ZNF385B: variants seen among roughly 807,000 people sequenced by gnomAD.
The protein encoded by ZNF385B is zinc finger protein 533.
In ZNF385B, 23 loss-of-function variants were observed where a neutral mutation model predicts 39.2. The ratio of observed to expected loss-of-function variants is 0.59; its 90% confidence interval spans 0.42 to 0.83. The LOEUF is 0.83. ZNF385B is among the 40% of genes least tolerant of loss of function. The pLI, the probability that ZNF385B is intolerant of heterozygous loss-of-function variation, is 0.00. For synonymous variants in ZNF385B, 205 were observed against 222.6 expected (o/e 0.92, Z 0.70); for missense variants, 552 against 598.9 (o/e 0.92, Z 0.82).
At chr2:179,593,103 A>G (rs949914465) in intron 3 of ZNF385B, among the ~76,000 whole-genome samples, 97 of 152,316 alleles carry the variant, frequency 6.4e-4, no homozygotes, top group African/African-American at 2.2e-3. Flanking sequence ...CAATTATGAT[A>G]AAAATGGATT....
intron 3 of ZNF385B, among the ~76,000 whole-genome samples, chr2:179,584,658 G>A (rs1045766289): frequency 1.6e-4 from 25 of 152,176 alleles, no homozygotes; most frequent in African/African-American, 6.0e-4. Context: ...ACCTACATAT[G>A]CCTACCGAGG....
At chr2:179,528,667 T>G (rs375206969) in intron 4 of ZNF385B, among the ~76,000 whole-genome samples, 13 of 152,302 alleles carry the variant, frequency 8.5e-5, no homozygotes, top group African/African-American at 2.9e-4. Flanking sequence ...ACTTTTAAAC[T>G]GTTCTGAGTA....
intron 3 of ZNF385B, among the ~76,000 whole-genome samples, chr2:179,573,107 T>C (rs1685417506): frequency 6.6e-6 from 1 of 152,234 alleles, no homozygotes; most frequent in Non-Finnish European, 1.5e-5. Context: ...AAGTATTTAA[T>C]GTTAACCTAA....
intron 3 of ZNF385B, among the ~76,000 whole-genome samples, chr2:179,760,228 G>A (rs1031562603): frequency 4.7e-5 from 7 of 150,028 alleles, no homozygotes; most frequent in South Asian, 2.1e-4. Context: ...GTGTGCGTGT[G>A]TGTGTGTGTG....
chr2:179,745,560 T>C (rs955498207), intron 3 of ZNF385B, among the ~76,000 whole-genome samples: 12 of 152,178 alleles, frequency 7.9e-5, no homozygotes, highest in African/African-American at 2.9e-4. Flanking sequence ...TAAAGAATCA[T>C]ATATTTTGCT....
chr2:179,510,690 T>C (rs930567794), intron 5 of ZNF385B, among the ~76,000 whole-genome samples: 1 of 151,960 alleles, frequency 6.6e-6, no homozygotes, highest in Non-Finnish European at 1.5e-5. Flanking sequence ...CATAAATAAA[T>C]TACAAATGTC....
At chr2:179,658,749 A>G (rs1435984987) in intron 3 of ZNF385B, among the ~76,000 whole-genome samples, 1 of 152,134 alleles carries the variant, frequency 6.6e-6, no homozygotes, top group East Asian at 1.9e-4. Flanking sequence ...TATATCCCCA[A>G]TAGGTTATCA....
intron 3 of ZNF385B, among the ~76,000 whole-genome samples, chr2:179,649,411 T>C (rs931249604): frequency 1.3e-5 from 2 of 152,188 alleles, no homozygotes; most frequent in African/African-American, 2.4e-5. Flanking sequence ...GTATAGGAGA[T>C]TGTCTTGCTT....
intron 6 of ZNF385B, among the ~76,000 whole-genome samples, chr2:179,447,354 T>C (rs1418412989): frequency 6.6e-6 from 1 of 152,204 alleles, no homozygotes. Context: ...CTTCCATTCA[T>C]TATCTTTATT....
intron 3 of ZNF385B, among the ~76,000 whole-genome samples, chr2:179,694,075 A>G (rs1037885045): frequency 6.6e-6 from 1 of 152,220 alleles, no homozygotes; most frequent in Non-Finnish European, 1.5e-5. Flanking sequence ...GTTTTAAACT[A>G]TATGTTAGAA....
At chr2:179,609,871 T>C (rs1689144941) in intron 3 of ZNF385B, among the ~76,000 whole-genome samples, 1 of 152,264 alleles carries the variant, frequency 6.6e-6, no homozygotes, top group African/African-American at 2.4e-5. Flanking sequence ...TATGTCTTCC[T>C]TTGAGAAATG....
chr2:179,757,379 G>C (rs927393067), intron 3 of ZNF385B, among the ~76,000 whole-genome samples: 60 of 147,122 alleles, frequency 4.1e-4, no homozygotes, highest in African/African-American at 1.5e-3. Flanking sequence ...CCCTACTGGG[G>C]GGTGCCTCCC....
rs187177745 is a variant in ZNF385B, at chr2:179,626,646, T to C, written c.299-81677A>G. 6.6e-5 allele frequency among the ~76,000 whole-genome samples: 10 copies of C among 152,308 alleles called. No homozygotes were observed. The East Asian group carries it at 1.9e-3, about 29-fold the overall frequency. ...TAATAAACTGAAAAACATTTGTATA[T>C]GCATATAATTCAGTAATCTTGAAAA... On this transcript the variant is annotated intron_variant, in intron 3 of 9. Coordinates refer to ENST00000410066, the MANE Select transcript of ZNF385B (RefSeq NM_152520.6).
At chr2:179,474,226 A>T (rs2053165126) in intron 6 of ZNF385B, among the ~76,000 whole-genome samples, 1 of 152,202 alleles carries the variant, frequency 6.6e-6, no homozygotes, top group African/African-American at 2.4e-5. Flanking sequence ...AAGCATAAGC[A>T]GTAAGTGTAA....
intron 1 of ZNF385B, among the ~76,000 whole-genome samples, chr2:179,854,921 T>C (rs1405637010): frequency 6.6e-6 from 1 of 152,156 alleles, no homozygotes; most frequent in Non-Finnish European, 1.5e-5. Flanking sequence ...CTAAAGTAAA[T>C]ACAGAAATGA....
At chr2:179,683,949 A>G (rs561831244) in intron 3 of ZNF385B, among the ~76,000 whole-genome samples, 1 of 152,048 alleles carries the variant, frequency 6.6e-6, no homozygotes, top group Non-Finnish European at 1.5e-5. Flanking sequence ...TGATTCCCCA[A>G]TTTCATCACA....
At chr2:179,766,989 T>A (rs1703737190) in intron 3 of ZNF385B, among the ~76,000 whole-genome samples, 1 of 152,076 alleles carries the variant, frequency 6.6e-6, no homozygotes, top group South Asian at 2.1e-4. Context: ...AGTTCCAGGT[T>A]TTCAAGAGGA....
intron 6 of ZNF385B, among the ~76,000 whole-genome samples, chr2:179,469,210 G>C (rs950602836): frequency 6.6e-6 from 1 of 152,092 alleles, no homozygotes; most frequent in Admixed American, 6.6e-5. Context: ...CCATCTTTGG[G>C]CTTCCCTGGG....
intron 3 of ZNF385B, among the ~76,000 whole-genome samples, chr2:179,737,639 A>T (rs1435676045): frequency 6.6e-6 from 1 of 152,250 alleles, no homozygotes; most frequent in African/African-American, 2.4e-5. Flanking sequence ...TCATAAATTC[A>T]ATTGCAACCC....
Sources: gnomAD v4.1 joint callset for allele counts (sites outside exome capture counted in the v4.1 genomes callset) on GRCh38, gnomAD v4.1.1 for gene constraint, MANE v1.5 for transcripts, NCBI Gene and HGNC (gene_info 2026-07-23, HGNC 2026-07-21) for gene names.